EIF5: variants seen among roughly 807,000 people sequenced by gnomAD.
EIF5 encodes the protein eukaryotic translation initiation factor 5.
In EIF5, 10 loss-of-function variants were observed where a neutral mutation model predicts 48.3. The ratio of observed to expected loss-of-function variants is 0.21; its 90% CI spans 0.13 to 0.35. EIF5 has a LOEUF of 0.35. Among genes scored for constraint, EIF5 ranks in the 10% least tolerant of loss-of-function variants. The probability of loss-of-function intolerance (pLI) is 1.00; values close to 1 mark genes in which losing one functional copy is unlikely to be tolerated. For missense variants in EIF5, 397 were observed against 533.2 expected, an observed-to-expected ratio of 0.74 and a Z score of 2.51; for synonymous variants, 237 against 173.1, an observed-to-expected ratio of 1.37 and a Z score of -2.90.
In EIF5 at chr14:103,341,123, CATGT is replaced by C; in HGVS notation, c.*76_*79del. On this transcript the variant is annotated 3_prime_UTR_variant, in exon 12 of 12. Coordinates refer to ENST00000216554, the MANE Select transcript of EIF5 (RefSeq NM_001969.5). ...CCTCCATTATCAGCCAGAAGTGCAA[CATGT>C]ATGTGCAAAAGCTAAAATGGCTTAA... 7.3e-7 allele frequency: 1 copy of C among 1,379,082 alleles called. No homozygotes were observed. The highest frequency in any genetic ancestry group is 2.3e-5 in the East Asian group (1 of 43,528). The allele number at this position is 1,379,082 out of a possible 1,614,324, so 85.4% of individuals were successfully genotyped here.
At chr14:103,336,410 G>T in intron 4 of EIF5, 1 of 556,660 alleles carries the variant, frequency 1.8e-6, no homozygotes. Context: ...GTGAAATCCT[G>T]AGTCTACTAC....
chr14:103,338,114 A>G, intron 6 of EIF5: 1 of 714,946 alleles, frequency 1.4e-6, no homozygotes, highest in Middle Eastern at 3.8e-4. Context: ...TACCCCTAAT[A>G]TTTTGTGTCA....
In EIF5 at chr14:103,338,841, A is replaced by T; in HGVS notation, c.692A>T (p.Asp231Val). The change falls in exon 8 of 12, where the codon GAT (aspartate) becomes GTT (valine). Residue 231 changes from aspartate to valine, a missense_variant. Asp to Val is a radical substitution (Grantham distance 152). Coordinates refer to ENST00000216554, the MANE Select transcript of EIF5 (RefSeq NM_001969.5). ...DHAKVLTLSD[D>V]LERTIEERVN... ...GCAAAAGTTCTGACACTCAGTGATG[A>T]TTTGGAAAGAACAATTGAGGAGAGG... 1 of 1,614,172 alleles carries T rather than the reference A, an allele frequency of 6.2e-7. No homozygotes were observed. The highest frequency in any genetic ancestry group is 1.3e-5 in the African/African-American group (1 of 75,044).
At chr14:103,336,013 A>G (rs1285619363) in intron 3 of EIF5, 23 bp from the exon 4 acceptor site, 1 of 1,614,064 alleles carries the variant, frequency 6.2e-7, no homozygotes, top group Non-Finnish European at 8.5e-7. Flanking sequence ...AAACTGCACA[A>G]CTAAAATTCT....
At chr14:103,338,187 C>G in intron 6 of EIF5, 140 bp from the exon 7 acceptor site, 5 of 1,194,540 alleles carry the variant, frequency 4.2e-6, no homozygotes, top group Non-Finnish European at 4.7e-6. Context: ...TGTGAAGCCT[C>G]TTAGGTAGCA....
At position 103,341,401 on chromosome 14, in the gene EIF5, C is replaced by G. The variant is rs2089351125; in HGVS notation, c.*349C>G. The G allele has an allele frequency of 5.4e-6, 1 of 184,128 alleles. No individual in the cohort carries two copies. The highest frequency in any genetic ancestry group is 5.5e-5 in the Admixed American group (1 of 18,332). 11.4% of individuals were successfully genotyped at this position (184,128 alleles called of 1,614,324 possible). ...ATGACTTAAGCTGAAGTAACTGGCTCCTTACTTTAAATGTTCTGCCATCAT... is the reference window on the plus strand; with the variant it reads ...ATGACTTAAGCTGAAGTAACTGGCTGCTTACTTTAAATGTTCTGCCATCAT... On this transcript the variant is annotated 3_prime_UTR_variant, in exon 12 of 12. Transcript: ENST00000216554.
Position 103,335,773 on chromosome 14 carries a change from G to A in EIF5, c.-88G>A. 7.3e-7 allele frequency: 1 copy of A among 1,365,004 alleles called. No individual in the cohort carries two copies. Among genetic ancestry groups the A allele is most frequent in the Non-Finnish European group, 1.0e-6 (1 of 965,386 alleles). The allele number at this position is 1,365,004 out of a possible 1,614,324, so 84.6% of individuals were successfully genotyped here. On this transcript the variant is annotated 5_prime_UTR_variant, in exon 3 of 12. The change abolishes an upstream ATG in the 5' untranslated region. Transcript: ENST00000216554. ...ACCGAGAACTCTTGCAGTCGTTTAT[G>A]TCATCCCTTCTTCTCCAGACAGAAG... is the stretch of plus-strand genomic sequence containing the variant.
chr14:103,338,011 A>G (rs2089309159), intron 6 of EIF5: 1 of 565,144 alleles, frequency 1.8e-6, no homozygotes, highest in African/African-American at 1.9e-5. Flanking sequence ...TGAGTTAATG[A>G]CTTTGTTCAT....
chr14:103,336,615 T>G, intron 4 of EIF5, 62 bp from the exon 5 acceptor site: 9 of 1,426,140 alleles, frequency 6.3e-6, no homozygotes, highest in Non-Finnish European at 8.5e-6. Flanking sequence ...CGTACAAATG[T>G]GAGTGAGTAG....
chr14:103,338,430 A>G lies in EIF5; in HGVS notation c.543A>G (p.Pro181=). Residue 181 remains proline, a synonymous_variant, in exon 7 of 12, where the codon CCA becomes CCG. Coordinates refer to ENST00000216554, the MANE Select transcript of EIF5 (RefSeq NM_001969.5). ...TATCCAGCAGTGAGACACCACCACC[A>G]CCACCACCACCAAATGAAATTAATC... The part of the protein sequence containing the change: ...GSVSSSETPP[P]PPPPNEINPP... The G allele has an allele frequency of 1.3e-6, 2 of 1,592,042 alleles. No individual in the cohort carries two copies. The highest frequency in any genetic ancestry group is 1.7e-6 in the Non-Finnish European group (2 of 1,168,570).
In EIF5 at chr14:103,339,650, C is replaced by T; in HGVS notation, c.918C>T (p.Asn306=). 1.2e-6 allele frequency: 2 copies of T among 1,614,130 alleles called. No homozygotes were observed. The highest frequency in any genetic ancestry group is 2.2e-5 in the East Asian group (1 of 44,884). ...YRRHFLRFCH[N]NKKAQRYLLH... ...GTGTCTATTTGCAGTTTTGTCACAA[C>T]AACAAAAAAGCCCAACGGTACCTTC... Residue 306 remains asparagine (N), a synonymous_variant, in exon 10 of 12, where the codon AAC becomes AAT. Coordinates refer to ENST00000216554, the MANE Select transcript of EIF5 (RefSeq NM_001969.5).
At chr14:103,336,531 A>T in intron 4 of EIF5, 146 bp from the exon 5 acceptor site, 2 of 841,966 alleles carry the variant, frequency 2.4e-6, no homozygotes, top group South Asian at 1.9e-5. Context: ...CAGTGAGCTG[A>T]GACCACGCCG....
In EIF5 at chr14:103,335,831, T is replaced by C; in HGVS notation, c.-30T>C. ...AAAGTTGCAATCAAAGATCTCTTCATCTTATTGATAAAGCCACTAATAAGC... is the reference window on the plus strand; with the variant it reads ...AAAGTTGCAATCAAAGATCTCTTCACCTTATTGATAAAGCCACTAATAAGC... On this transcript the variant is annotated 5_prime_UTR_variant, in exon 3 of 12. Transcript: ENST00000216554. The C allele has an allele frequency of 1.2e-6, 2 of 1,611,858 alleles. No homozygotes were observed. Among genetic ancestry groups the C allele is most frequent in the Non-Finnish European group, 1.7e-6 (2 of 1,178,102 alleles).
At chr14:103,339,869 T>A in intron 10 of EIF5, 66 bp downstream of exon 10, 1 of 1,533,880 alleles carries the variant, frequency 6.5e-7, no homozygotes, top group Non-Finnish European at 8.8e-7. Flanking sequence ...TTTGGTTGAT[T>A]GTTTTTGGAG....
At chr14:103,336,436 C>T (rs2089287230) in intron 4 of EIF5, 2 of 553,930 alleles carry the variant, frequency 3.6e-6, no homozygotes, top group African/African-American at 1.9e-5. Context: ...CAAAAATTAG[C>T]CAGGCGTGGT....
intron 8 of EIF5, 115 bp downstream of exon 8, chr14:103,339,008 C>T (rs1449571236): frequency 1.4e-5 from 21 of 1,486,808 alleles, no homozygotes; most frequent in East Asian, 4.6e-5. Flanking sequence ...CTTTTTAGAA[C>T]TCTTGTTCAT....
intron 10 of EIF5, 83 bp from the exon 11 acceptor site, chr14:103,340,344 C>T (rs2089338502): frequency 6.7e-7 from 1 of 1,490,926 alleles, no homozygotes; most frequent in South Asian, 1.3e-5. Flanking sequence ...ACCCAGTCCC[C>T]TCAGCTCAGT....
rs2089348691 is a variant in EIF5, at chr14:103,341,163, C to T, written c.*111C>T. Reference sequence around the variant, plus strand: ...GCTAAAATGGCTTAACATCATGCTACACTTTACACTAAAAATCTATTACTG... The same window carrying T: ...GCTAAAATGGCTTAACATCATGCTATACTTTACACTAAAAATCTATTACTG... On this transcript the variant is annotated 3_prime_UTR_variant, in exon 12 of 12. Transcript: ENST00000216554. 2 of 894,306 alleles carry T rather than the reference C, an allele frequency of 2.2e-6. No homozygotes were observed. Among genetic ancestry groups the T allele is most frequent in the Admixed American group, 4.0e-5 (2 of 49,590 alleles). The allele number at this position is 894,306 out of a possible 1,614,324, so 55.4% of individuals were successfully genotyped here.
intron 6 of EIF5, 25 bp downstream of exon 6, chr14:103,337,252 A>G (rs760072166): frequency 1.3e-6 from 2 of 1,555,176 alleles, no homozygotes; most frequent in African/African-American, 1.4e-5. Context: ...ATGAACTCCT[A>G]AGATCCTAAG....
Sources: gnomAD v4.1 joint callset for allele counts on GRCh38, gnomAD v4.1.1 for gene constraint, MANE v1.5 for transcripts, NCBI Gene and HGNC (gene_info 2026-07-23, HGNC 2026-07-21) for gene names.